HERC1: variants seen among roughly 807,000 people sequenced by gnomAD.
HERC1 encodes HECT and RLD domain containing E3 ubiquitin protein ligase family member 1, also known as probable E3 ubiquitin-protein ligase HERC1.
HERC1 carries 160 observed loss-of-function variants against 554.3 expected under a neutral mutation model. The observed-to-expected ratio is 0.29, with a 90% CI of 0.25 to 0.33. The LOEUF (loss-of-function observed/expected upper bound fraction) is 0.33. HERC1 is among the 10% of genes least tolerant of loss of function. The pLI, the probability that HERC1 is intolerant of heterozygous loss-of-function variation, is 1.00. For synonymous variants in HERC1, 2,175 were observed against 2,131.7 expected, an observed-to-expected ratio of 1.02 and a Z score of -0.56; for missense variants, 4,919 against 5,918.5, an observed-to-expected ratio of 0.83 and a Z score of 5.54.
intron 48 of HERC1, 125 bp downstream of exon 48, chr15:63,658,419 C>T: frequency 1.4e-6 from 1 of 711,328 alleles, no homozygotes. Context: ...CGTCTAACAT[C>T]TTTCATTCAA....
intron 76 of HERC1, among the ~76,000 whole-genome samples, chr15:63,613,801 G>A (rs772805048): frequency 7.9e-5 from 12 of 152,210 alleles, no homozygotes; most frequent in Non-Finnish European, 1.5e-4. Context: ...TCCAGCCTGG[G>A]TGACAGAGCA....
chr15:63,829,194 G>C (rs1045896784), intron 1 of HERC1, among the ~76,000 whole-genome samples: 30 of 151,988 alleles, frequency 2.0e-4, no homozygotes, highest in Admixed American at 1.7e-3. Flanking sequence ...CAAGGTGGGA[G>C]AATAACTTGA....
intron 62 of HERC1, 67 bp downstream of exon 62, chr15:63,638,644 C>G (rs2068892496): frequency 6.3e-7 from 1 of 1,584,784 alleles, no homozygotes; most frequent in South Asian, 1.1e-5. Context: ...AGGGCACAAA[C>G]ACACAAGCAT....
At chr15:63,714,697 C>T (rs540176824) in intron 22 of HERC1, among the ~76,000 whole-genome samples, 3 of 151,810 alleles carry the variant, frequency 2.0e-5, no homozygotes, top group South Asian at 2.1e-4. Context: ...TACAGATGCG[C>T]GCCACCACAC....
At chr15:63,739,194 A>ATTTT (rs1567071803) in intron 12 of HERC1, among the ~76,000 whole-genome samples, 1 of 50,640 alleles carries the variant, frequency 2.0e-5, no homozygotes, top group African/African-American at 6.8e-5. Flanking sequence ...CCACTAATAT[A>ATTTT]CTTTTTTTTT....
intron 68 of HERC1, among the ~76,000 whole-genome samples, chr15:63,631,310 T>C (rs1055007593): frequency 1.3e-5 from 2 of 152,222 alleles, no homozygotes; most frequent in African/African-American, 4.8e-5. Context: ...TTCTGCAGCC[T>C]AACTTCCACT....
At chr15:63,805,238 A>T (rs996329938) in intron 1 of HERC1, among the ~76,000 whole-genome samples, 4 of 152,240 alleles carry the variant, frequency 2.6e-5, no homozygotes, top group Admixed American at 2.0e-4. Flanking sequence ...CATACTACTC[A>T]GTAATAAAAA....
chr15:63,703,029 G>C (rs2072808926), intron 25 of HERC1, among the ~76,000 whole-genome samples: 1 of 151,520 alleles, frequency 6.6e-6, no homozygotes, highest in Non-Finnish European at 1.5e-5. Flanking sequence ...GCTTGAACAG[G>C]GACCCGTGAG....
At position 63,729,307 on chromosome 15, in the gene HERC1, T is replaced by C; in HGVS notation, c.3083A>G (p.Asp1028Gly). ...HLQLLLPHAT[D>G]IYSRSANLLK... ...CAAATTTGCAGAACGTGAATAAATA[T>C]CTGTGGCATGAGGCAACAAAAGCTG... is the stretch of plus-strand genomic sequence containing the variant. Residue 1028 changes from aspartate to glycine, a missense_variant, in exon 16 of 78, where the codon GAT (aspartate) becomes GGT (glycine). Asp to Gly is a moderately conservative substitution (Grantham distance 94, BLOSUM62 -1). Transcript: ENST00000443617. 1.2e-6 allele frequency: 2 copies of C among 1,611,844 alleles called. No individual in the cohort carries two copies. Among genetic ancestry groups the C allele is most frequent in the Non-Finnish European group, 1.7e-6 (2 of 1,178,934 alleles).
At chr15:63,626,785 A>G (rs2068319878) in intron 70 of HERC1, among the ~76,000 whole-genome samples, 1 of 152,222 alleles carries the variant, frequency 6.6e-6, no homozygotes, top group African/African-American at 2.4e-5. Context: ...GTAAATAAAG[A>G]CTGGTACAGT....
At chr15:63,690,723 T>C in intron 31 of HERC1, 76 bp from the exon 32 acceptor site, 1 of 870,228 alleles carries the variant, frequency 1.1e-6, no homozygotes, top group Non-Finnish European at 1.9e-6. Flanking sequence ...GGGAAAAAAA[T>C]TCCTGAGGCT....
intron 1 of HERC1, chr15:63,780,535 C>CA (rs1439504145): frequency 6.6e-6 from 1 of 152,252 alleles, no homozygotes; most frequent in Non-Finnish European, 1.5e-5. Flanking sequence ...TCCTGGCTAA[C>CA]ACGGTGAAAC....
chr15:63,674,965 T>C lies in HERC1; in HGVS notation c.7223A>G (p.Lys2408Arg). The change falls in exon 38 of 78, where the codon AAA becomes AGA. Residue 2408 changes from lysine to arginine, a missense_variant. Physicochemically the swap from Lys to Arg is conservative, Grantham distance 26. Around this residue, in one of 11 missense-constraint regions of HERC1, gnomAD observed 1,963 missense variants for 2,228.6 expected, o/e 0.88. Transcript: ENST00000443617. ...CTTTTCATGTCGTTTGGTGCTCTGTTTGCCCATGTCTTCATGAACGCCAGT... is the reference window on the plus strand; with the variant it reads ...CTTTTCATGTCGTTTGGTGCTCTGTCTGCCCATGTCTTCATGAACGCCAGT... ...YLTGVHEDMG[K>R]QSTKRHEKKH... 3 of 1,614,038 alleles carry C rather than the reference T, an allele frequency of 1.9e-6. No individual in the cohort carries two copies. The highest frequency in any genetic ancestry group is 1.6e-4 in the Middle Eastern group (1 of 6,062).
At position 63,674,323 on chromosome 15, in the gene HERC1, A is replaced by G. The variant is rs929698486; in HGVS notation, c.7846+19T>C. ...CTCAACAGCACAAAAGCAAAAAAAA[A>G]AAAAATCAGATAACATACCTTGCTT... On this transcript the variant is annotated intron_variant, in intron 38 of 77. Coordinates refer to ENST00000443617, the MANE Select transcript of HERC1 (RefSeq NM_003922.4). The G allele has an allele frequency of 5.2e-6, 8 of 1,552,712 alleles. No homozygotes were observed. In the Admixed American group the frequency reaches 1.2e-4, roughly 24 times the overall value.
At chr15:63,736,513 T>C (rs2074510774) in intron 12 of HERC1, among the ~76,000 whole-genome samples, 1 of 152,086 alleles carries the variant, frequency 6.6e-6, no homozygotes, top group South Asian at 2.1e-4. Flanking sequence ...TCCCCTAAAA[T>C]ATAGCCCAGT....
At position 63,630,622 on chromosome 15, in the gene HERC1, G is replaced by T; in HGVS notation, c.12810C>A (p.Gly4270=). 1 of 1,610,822 alleles carries T rather than the reference G, an allele frequency of 6.2e-7. No homozygotes were observed. Among genetic ancestry groups the T allele is most frequent in the Non-Finnish European group, 8.5e-7 (1 of 1,178,792 alleles). Residue 4270 remains glycine, a synonymous_variant, in exon 69 of 78, where the codon GGC becomes GGA. Coordinates refer to ENST00000443617, the MANE Select transcript of HERC1 (RefSeq NM_003922.4). ...VYTFGQDRLI[G]LPEGRARNHN... is the part of the protein sequence containing the mutation. Reference sequence around the variant, plus strand: ...GATTGCGAGCACGCCCCTCTGGCAAGCCTATCAGGCGATCTGAAAAAAACA... The same window carrying T: ...GATTGCGAGCACGCCCCTCTGGCAATCCTATCAGGCGATCTGAAAAAAACA...
chr15:63,718,818 G>A lies in HERC1; in HGVS notation c.3822C>T (p.His1274=), dbSNP rs2073683327. ...CACATGCTTGACTAAGTAAATTTGT[G>A]TGTTTCAGAAGAGCTGCAAGAACAA... is the stretch of plus-strand genomic sequence containing the variant. ...SRFVLAALLK[H]TNLLSQACGE... The change falls in exon 20 of 78, where the codon CAC becomes CAT. Residue 1274 remains histidine (H), a synonymous_variant. Transcript: ENST00000443617. The surrounding 1 kb of genome is among the most constrained non-coding windows in gnomAD (Gnocchi z 4.2). 6.2e-7 allele frequency: 1 copy of A among 1,613,628 alleles called. No individual in the cohort carries two copies. The highest frequency in any genetic ancestry group is 8.5e-7 in the Non-Finnish European group (1 of 1,179,648).
chr15:63,654,152 G>C lies in HERC1; in HGVS notation c.10257C>G (p.Cys3419Trp). The change falls in exon 51 of 78, where the codon TGC becomes TGG. Residue 3419 changes from cysteine to tryptophan, a missense_variant. This residue lies in a region of HERC1 where 1,963 missense variants were observed against 2,228.6 expected (regional missense o/e 0.88). Coordinates refer to ENST00000443617, the MANE Select transcript of HERC1 (RefSeq NM_003922.4). ...GATGAGCCTCCAATTTGATAAAGGAGCATTTTCTAAGATCTCCTCCCATAT... is the reference window on the plus strand; with the variant it reads ...GATGAGCCTCCAATTTGATAAAGGACCATTTTCTAAGATCTCCTCCCATAT... ...LADMGGDLRK[C>W]SFIKLEAHQN... 1 of 1,613,922 alleles carries C rather than the reference G, an allele frequency of 6.2e-7. No homozygotes were observed. The highest frequency in any genetic ancestry group is 8.5e-7 in the Non-Finnish European group (1 of 1,179,780).
chr15:63,697,501 C>T (rs2072489158), intron 26 of HERC1, among the ~76,000 whole-genome samples: 1 of 137,940 alleles, frequency 7.2e-6, no homozygotes, highest in African/African-American at 2.8e-5. Flanking sequence ...GTTGCCCAGG[C>T]TGGAGTGCAA....
Sources: allele counts gnomAD v4.1 joint callset (sites outside exome capture counted in the v4.1 genomes callset), GRCh38; gene constraint gnomAD v4.1.1; regional missense constraint gnomAD v4.1.1; non-coding constraint Gnocchi (gnomAD v3.1); transcripts MANE v1.5; gene names NCBI Gene and HGNC (gene_info 2026-07-23, HGNC 2026-07-21).